The following PLCB1 variants were observed in gnomAD, a reference collection of about 807,000 sequenced individuals.
PLCB1 encodes the protein 1-phosphatidylinositol 4,5-bisphosphate phosphodiesterase beta-1.
Under a neutral mutation model 161.8 loss-of-function variants are expected in PLCB1, and 46 were observed. That is an observed-to-expected ratio of 0.28 (90% CI 0.22 to 0.36). PLCB1 has a LOEUF of 0.36. Ranked by LOEUF, PLCB1 falls within the 10% of genes least tolerant of loss-of-function variation. The probability of loss-of-function intolerance (pLI) is 1.00; values close to 1 mark genes in which losing one functional copy is unlikely to be tolerated. For synonymous variants in PLCB1, 517 were observed against 503.7 expected (o/e 1.03, Z -0.35); for missense variants, 1,016 against 1,472.5 (o/e 0.69, Z 5.07).
At chr20:8,533,708 G>T (rs1387493401) in intron 3 of PLCB1, among the ~76,000 whole-genome samples, 1 of 150,910 alleles carries the variant, frequency 6.6e-6, no homozygotes, top group Admixed American at 6.7e-5. Context: ...TTTTGATGGG[G>T]TTGTTTGTTT....
rs144777128 is a variant in PLCB1, at chr20:8,450,930, G to A, written c.246+79480G>A. On this transcript the variant is annotated intron_variant, in intron 3 of 31. Coordinates refer to ENST00000338037, the MANE Select transcript of PLCB1 (RefSeq NM_015192.4). ...TCAATTTACTGTTAAGTTGTAAAAA[G>A]TAGGCTTGTACCTGATGAAAACATT... Among the ~76,000 whole-genome samples, 3 of 152,268 alleles carry A rather than the reference G, an allele frequency of 2.0e-5. No homozygotes were observed. The East Asian group carries it at 5.8e-4, about 29-fold the overall frequency.
chr20:8,169,118 G>A (rs2051706378), intron 2 of PLCB1, among the ~76,000 whole-genome samples: 1 of 152,160 alleles, frequency 6.6e-6, no homozygotes. Flanking sequence ...AGGGCATGCG[G>A]TGAAGGGGAA....
chr20:8,533,559 A>C (rs993903423), intron 3 of PLCB1, among the ~76,000 whole-genome samples: 1 of 151,874 alleles, frequency 6.6e-6, no homozygotes, highest in Non-Finnish European at 1.5e-5. Flanking sequence ...TGCCATTCTA[A>C]CTGGTGTGAG....
At chr20:8,508,426 G>A (rs543334285) in intron 3 of PLCB1, among the ~76,000 whole-genome samples, 7 of 152,294 alleles carry the variant, frequency 4.6e-5, no homozygotes, top group East Asian at 1.9e-4. Flanking sequence ...ACCTAAACAC[G>A]TGAGGACCCT....
rs6140619 is a variant in PLCB1 at position 8,458,696 on chromosome 20, T to C, written c.246+87246T>C. On this transcript the variant is annotated intron_variant, in intron 3 of 31. Coordinates refer to ENST00000338037, the MANE Select transcript of PLCB1 (RefSeq NM_015192.4). ...CTGCTTACCTTATTTACATTACCTG[T>C]CTGGGATGAAAGACATTTGAGGTTG... 0.29 allele frequency among the ~76,000 whole-genome samples: 44,104 copies of C among 152,098 alleles called. 6,634 individuals are homozygous for C. Among genetic ancestry groups the C allele is most frequent in the East Asian group, 0.54 (2,770 of 5,164 alleles).
At chr20:8,417,395 T>C (rs1311186279) in intron 3 of PLCB1, among the ~76,000 whole-genome samples, 1 of 151,774 alleles carries the variant, frequency 6.6e-6, no homozygotes, top group African/African-American at 2.4e-5. Flanking sequence ...TATATGTATA[T>C]AACAAATCAA....
At chr20:8,369,895 CT>C (rs1448190889) in intron 2 of PLCB1, among the ~76,000 whole-genome samples, 1 of 152,138 alleles carries the variant, frequency 6.6e-6, no homozygotes, top group Non-Finnish European at 1.5e-5. Flanking sequence ...TTAATTTGGC[CT>C]TTACTACAAG....
chr20:8,419,154 T>C (rs2122539243), intron 3 of PLCB1, among the ~76,000 whole-genome samples: 1 of 151,704 alleles, frequency 6.6e-6, no homozygotes, highest in African/African-American at 2.4e-5. Flanking sequence ...TTAAAAGCTT[T>C]GTTTACTTAA....
chr20:8,697,503 A>T, intron 10 of PLCB1, 123 bp from the exon 11 acceptor site: 1 of 954,300 alleles, frequency 1.0e-6, no homozygotes, highest in Non-Finnish European at 1.6e-6. Flanking sequence ...AAGAAAGGCA[A>T]AGAATAACTG....
intron 31 of PLCB1, among the ~76,000 whole-genome samples, chr20:8,875,527 T>C (rs1420591555): frequency 6.8e-6 from 1 of 147,820 alleles, no homozygotes; most frequent in African/African-American, 2.5e-5. Context: ...ATAAATATAA[T>C]ATATTAATAT....
In PLCB1 at chr20:8,181,181, G is replaced by A. The variant is rs183377808; in HGVS notation, c.177+30810G>A. Among the ~76,000 whole-genome samples the A allele has an allele frequency of 3.2e-4, 48 of 149,850 alleles. No homozygotes were observed. The East Asian group carries it at 8.1e-3, about 25-fold the overall frequency. On this transcript the variant is annotated intron_variant, in intron 2 of 31. Transcript: ENST00000338037. ...GGAGAATTGCTTGACCCTGGGAGGC[G>A]GAGGTTGCAGTGAGCCGAGATCATG...
At chr20:8,264,759 C>T (rs931665833) in intron 2 of PLCB1, among the ~76,000 whole-genome samples, 11 of 152,196 alleles carry the variant, frequency 7.2e-5, no homozygotes, top group African/African-American at 2.6e-4. Flanking sequence ...ATGTTCATCT[C>T]TTATGCCTGA....
chr20:8,721,046 T>C (rs1223493689), intron 14 of PLCB1, among the ~76,000 whole-genome samples: 2 of 152,218 alleles, frequency 1.3e-5, no homozygotes, highest in African/African-American at 4.8e-5. Flanking sequence ...CTTTCCTTAA[T>C]AAACAATCCA....
At chr20:8,523,496 C>CTCTCTCTCTCTATATATATA in intron 3 of PLCB1, among the ~76,000 whole-genome samples, 26 of 51,638 alleles carry the variant, frequency 5.0e-4, no homozygotes, top group East Asian at 2.0e-3. Flanking sequence ...CTCTCTCTCT[C>CTCTCTCTCTCTATATATATA]TATATATATA....
At chr20:8,604,872 G>A (rs997758782) in intron 3 of PLCB1, among the ~76,000 whole-genome samples, 20 of 152,006 alleles carry the variant, frequency 1.3e-4, no homozygotes, top group Admixed American at 6.6e-4. Flanking sequence ...AAGGTCTTGG[G>A]TGTTGTCCTT....
intron 3 of PLCB1, among the ~76,000 whole-genome samples, chr20:8,484,223 C>A (rs1395301808): frequency 1.3e-5 from 2 of 152,044 alleles, no homozygotes; most frequent in East Asian, 3.9e-4. Flanking sequence ...CAGGGTTTCT[C>A]CATGTTGGTC....
intron 31 of PLCB1, among the ~76,000 whole-genome samples, chr20:8,844,507 C>T (rs919411828): frequency 2.6e-5 from 4 of 152,018 alleles, no homozygotes; most frequent in Non-Finnish European, 5.9e-5. Context: ...CACTTTAGTC[C>T]AGGAGTTCAA....
At chr20:8,357,442 C>A (rs988100224) in intron 2 of PLCB1, among the ~76,000 whole-genome samples, 3 of 152,180 alleles carry the variant, frequency 2.0e-5, no homozygotes, top group Admixed American at 1.3e-4. Context: ...AGGACTATTT[C>A]ATATGACTAT....
Position 8,132,721 on chromosome 20 carries a change from A to G in PLCB1, c.70A>G (p.Lys24Glu). The G allele has an allele frequency of 6.2e-7, 1 of 1,612,770 alleles. No homozygotes were observed. Among genetic ancestry groups the G allele is most frequent in the Non-Finnish European group, 8.5e-7 (1 of 1,179,148 alleles). ...KPVCVSDSLK[K>E]GTKFVKWDDD... ...CGTGTGCGTGTCCGACAGCCTCAAGAAGGGCACCAAATTCGTCAAGTGGGA... is the reference window on the plus strand; with the variant it reads ...CGTGTGCGTGTCCGACAGCCTCAAGGAGGGCACCAAATTCGTCAAGTGGGA... Residue 24 changes from lysine to glutamate, a missense_variant, in exon 1 of 32, where the codon AAG (lysine) becomes GAG (glutamate). Around this residue, in one of 10 missense-constraint regions of PLCB1, gnomAD observed 181 missense variants for 236.7 expected, o/e 0.76. Coordinates refer to ENST00000338037, the MANE Select transcript of PLCB1 (RefSeq NM_015192.4). The surrounding 1 kb of genome is among the most constrained non-coding windows in gnomAD (Gnocchi z 5.2).
Sources: gnomAD v4.1 joint callset for allele counts (sites outside exome capture counted in the v4.1 genomes callset) on GRCh38, gnomAD v4.1.1 for gene constraint, gnomAD v4.1.1 regional missense constraint, Gnocchi (gnomAD v3.1) non-coding constraint, MANE v1.5 for transcripts, NCBI Gene and HGNC (gene_info 2026-07-23, HGNC 2026-07-21) for gene names.